The following ZNF292 variants were observed in gnomAD, a reference collection of about 807,000 sequenced individuals.
ZNF292 encodes 16 zinc-finger domain protein.
A neutral mutation model predicts 217.9 loss-of-function variants in ZNF292; 26 were observed. The ratio of observed to expected loss-of-function variants is 0.12; its 90% CI spans 0.09 to 0.17. The LOEUF (loss-of-function observed/expected upper bound fraction) is 0.17, where lower values mean the gene tolerates loss of function less well. ZNF292 is among the 10% of genes least tolerant of loss of function. ZNF292 has a pLI of 1.00. For synonymous variants in ZNF292, 1,257 were observed against 1,124.1 expected, an observed-to-expected ratio of 1.12 and a Z score of -2.37; for missense variants, 2,904 against 3,175.2, an observed-to-expected ratio of 0.91 and a Z score of 2.05.
chr6:87,256,862 C>G lies in ZNF292; in HGVS notation c.3233C>G (p.Ser1078Cys). 1 of 1,613,850 alleles carries G rather than the reference C, an allele frequency of 6.2e-7. No individual in the cohort carries two copies. The highest frequency in any genetic ancestry group is 8.5e-7 in the Non-Finnish European group (1 of 1,179,820). Residue 1078 changes from serine to cysteine, a missense_variant, in exon 8 of 8, where the codon TCC becomes TGC. This residue lies in a region of ZNF292 where 687 missense variants were observed against 623.0 expected (regional missense o/e 1.10). Transcript: ENST00000369577. ...AGTATTGCATTTGTTCCACCGCAGT[C>G]CGACCTAAGTAATTCATTAGGAACT... is the stretch of plus-strand genomic sequence containing the variant. ...LESIAFVPPQSDLSNSLGTPS... is the reference protein window; with the variant it reads ...LESIAFVPPQCDLSNSLGTPS...
Position 87,253,663 on chromosome 6 carries a change from A to C in ZNF292, c.1021-987A>C, listed in dbSNP as rs1562178883. Among the ~76,000 whole-genome samples, 2 of 152,166 alleles carry C rather than the reference A, an allele frequency of 1.3e-5. 1 individual carries two copies. ...AGGCTCCTTTTCCTTTTTAGTAAAAATACTAAAATACTTTTGCCCTACAAG... is the reference window on the plus strand; with the variant it reads ...AGGCTCCTTTTCCTTTTTAGTAAAACTACTAAAATACTTTTGCCCTACAAG... On this transcript the variant is annotated intron_variant, in intron 7 of 7. Coordinates refer to ENST00000369577, the MANE Select transcript of ZNF292 (RefSeq NM_015021.3).
Position 87,258,367 on chromosome 6 carries a change from G to C in ZNF292, c.4738G>C (p.Val1580Leu), listed in dbSNP as rs181198645. Residue 1580 changes from valine (V) to leucine (L), a missense_variant, in exon 8 of 8, where the codon GTT becomes CTT. By Grantham distance (32) the Val-to-Leu change is conservative. Around this residue, in one of 15 missense-constraint regions of ZNF292, gnomAD observed 622 missense variants for 573.1 expected, o/e 1.09. Coordinates refer to ENST00000369577, the MANE Select transcript of ZNF292 (RefSeq NM_015021.3). ...AACGAATGACTTACTACTGAAGACT[G>C]TTGAAAATGGTTTGTGCTCTAGTTC... is the stretch of plus-strand genomic sequence containing the variant. ...FPTNDLLLKT[V>L]ENGLCSSSFP... The C allele has an allele frequency of 8.7e-6, 14 of 1,613,522 alleles. No homozygotes were observed. The highest frequency in any genetic ancestry group is 1.2e-5 in the Non-Finnish European group (14 of 1,179,768).
intron 1 of ZNF292, among the ~76,000 whole-genome samples, chr6:87,188,840 A>G (rs1771740080): frequency 6.6e-6 from 1 of 151,982 alleles, no homozygotes; most frequent in Admixed American, 6.5e-5. Flanking sequence ...AATCTAAACA[A>G]GACTTTTTTA....
intron 1 of ZNF292, among the ~76,000 whole-genome samples, chr6:87,156,526 A>T (rs1582355459): frequency 1.3e-5 from 2 of 152,040 alleles, no homozygotes; most frequent in Middle Eastern, 6.8e-3. Flanking sequence ...TCCGTTTCTC[A>T]TTTGCTTTCG....
At chr6:87,194,259 TA>T (rs1339911275) in intron 1 of ZNF292, among the ~76,000 whole-genome samples, 3 of 152,148 alleles carry the variant, frequency 2.0e-5, no homozygotes, top group Non-Finnish European at 4.4e-5. Context: ...GGAATAAAAT[TA>T]AATGTGAATA....
intron 4 of ZNF292, among the ~76,000 whole-genome samples, chr6:87,226,647 C>A (rs935458489): frequency 6.2e-5 from 7 of 113,202 alleles, no homozygotes; most frequent in Admixed American, 2.1e-4. Flanking sequence ...ATCTATATAT[C>A]TATATATATA....
chr6:87,192,148 A>G (rs904390700), intron 1 of ZNF292, among the ~76,000 whole-genome samples: 8 of 152,254 alleles, frequency 5.3e-5, no homozygotes, highest in Non-Finnish European at 1.2e-4. Context: ...AGGCAAAACA[A>G]CAGACCGGGG....
intron 3 of ZNF292, among the ~76,000 whole-genome samples, chr6:87,217,517 C>A (rs1053691222): frequency 2.0e-5 from 3 of 151,958 alleles, no homozygotes; most frequent in Non-Finnish European, 2.9e-5. Flanking sequence ...TTGAAACTTC[C>A]TATTGCTTGC....
chr6:87,169,106 C>G (rs1464140769), intron 1 of ZNF292, among the ~76,000 whole-genome samples: 2 of 151,748 alleles, frequency 1.3e-5, no homozygotes, highest in Non-Finnish European at 2.9e-5. Flanking sequence ...GCAGTGGCAC[C>G]ATCTCGGCTC....
intron 1 of ZNF292, among the ~76,000 whole-genome samples, chr6:87,200,942 G>A (rs990330005): frequency 2.6e-5 from 4 of 152,148 alleles, no homozygotes; most frequent in Non-Finnish European, 4.4e-5. Context: ...GCACTGGGCC[G>A]TTTGCCAGGG....
At chr6:87,174,912 C>CG (rs968651549) in intron 1 of ZNF292, among the ~76,000 whole-genome samples, 1 of 152,192 alleles carries the variant, frequency 6.6e-6, no homozygotes, top group African/African-American at 2.4e-5. Context: ...GGTTATCTTA[C>CG]ACATTTCCCG....
intron 5 of ZNF292, 141 bp downstream of exon 5, chr6:87,233,668 G>A: frequency 7.1e-7 from 1 of 1,410,270 alleles, no homozygotes; most frequent in Non-Finnish European, 9.2e-7. Context: ...CTTGAGTGGT[G>A]GCAACTTGAT....
intron 1 of ZNF292, among the ~76,000 whole-genome samples, chr6:87,188,591 A>T (rs1289018870): frequency 6.6e-6 from 1 of 152,126 alleles, no homozygotes; most frequent in Non-Finnish European, 1.5e-5. Flanking sequence ...ATTTGTAACC[A>T]TGTTAACTTG....
intron 1 of ZNF292, among the ~76,000 whole-genome samples, chr6:87,164,927 T>TC (rs1770866635): frequency 7.7e-6 from 1 of 130,516 alleles, no homozygotes; most frequent in Non-Finnish European, 1.6e-5. Flanking sequence ...CATGCCCGTC[T>TC]AATTTTTTTT....
At chr6:87,223,449 C>T (rs1773192355) in intron 4 of ZNF292, 1 of 152,224 alleles carries the variant, frequency 6.6e-6, no homozygotes, top group African/African-American at 2.4e-5. Flanking sequence ...GGTTTCTCCA[C>T]TGTGAAGTTA....
chr6:87,241,110 C>G (rs983416006), intron 5 of ZNF292, among the ~76,000 whole-genome samples: 1 of 152,080 alleles, frequency 6.6e-6, no homozygotes, highest in Non-Finnish European at 1.5e-5. Flanking sequence ...CAGTGAAACC[C>G]CATCTCTACT....
intron 1 of ZNF292, among the ~76,000 whole-genome samples, chr6:87,173,205 G>GCA (rs1554194930): frequency 1.8e-4 from 1 of 5,446 alleles, no homozygotes; most frequent in Non-Finnish European, 6.1e-4. Flanking sequence ...TGTAATTTTG[G>GCA]CACAAAAAAA....
chr6:87,161,541 G>T (rs779050562), intron 1 of ZNF292, among the ~76,000 whole-genome samples: 1 of 152,154 alleles, frequency 6.6e-6, no homozygotes, highest in African/African-American at 2.4e-5. Context: ...TCTTGCCTCA[G>T]CCTGAGTAGC....
At chr6:87,187,402 A>G (rs1044976874) in intron 1 of ZNF292, among the ~76,000 whole-genome samples, 2 of 131,328 alleles carry the variant, frequency 1.5e-5, no homozygotes, top group African/African-American at 5.3e-5. Flanking sequence ...AGAGTGGTTG[A>G]ATGAACCCAC....
Sources: allele counts gnomAD v4.1 joint callset (sites outside exome capture counted in the v4.1 genomes callset), GRCh38; gene constraint gnomAD v4.1.1; regional missense constraint gnomAD v4.1.1; transcripts MANE v1.5; gene names NCBI Gene and HGNC (gene_info 2026-07-23, HGNC 2026-07-21).